The following GSK3B variants were observed in gnomAD, a reference collection of about 807,000 sequenced individuals.
GSK3B encodes glycogen synthase kinase 3 beta.
GSK3B carries 15 observed loss-of-function variants against 56.4 expected under a neutral mutation model. The observed-to-expected ratio is 0.27, with a 90% confidence interval of 0.18 to 0.41. The LOEUF (loss-of-function observed/expected upper bound fraction) is 0.41, where lower values mean the gene tolerates loss of function less well. Among genes scored for constraint, GSK3B ranks in the 10% least tolerant of loss-of-function variants. The pLI is 1.00. For synonymous variants in GSK3B, 181 were observed against 188.9 expected (o/e 0.96, Z 0.34); for missense variants, 300 against 513.4 (o/e 0.58, Z 4.02).
rs533186740 is a variant in GSK3B, at chr3:119,919,340, T to C, written c.478-3166A>G. The stretch of plus-strand genomic sequence containing the variant: ...TTTATATCGCTCTCACAATCTAACA[T>C]TTTTCATACAATAGGATTACAATAA... On this transcript the variant is annotated intron_variant, in intron 4 of 10. Transcript: ENST00000264235. 5.9e-5 allele frequency among the ~76,000 whole-genome samples: 9 copies of C among 152,218 alleles called. No homozygotes were observed. The South Asian group carries it at 1.2e-3, about 21-fold the overall frequency.
chr3:119,958,978 A>G (rs2057243312), intron 2 of GSK3B, among the ~76,000 whole-genome samples: 1 of 151,880 alleles, frequency 6.6e-6, no homozygotes, highest in African/African-American at 2.4e-5. Flanking sequence ...CACAACTAAA[A>G]CCTCTGGTTA....
At chr3:119,876,543 A>G in intron 7 of GSK3B, 35 bp from the exon 8 acceptor site, 1 of 1,151,242 alleles carries the variant, frequency 8.7e-7, no homozygotes, top group Non-Finnish European at 1.3e-6. Context: ...ATCTTTTCCT[A>G]TATATTTACA....
At chr3:120,020,004 T>C (rs2057858844) in intron 1 of GSK3B, among the ~76,000 whole-genome samples, 1 of 152,224 alleles carries the variant, frequency 6.6e-6, no homozygotes, top group African/African-American at 2.4e-5. Context: ...AGTTCCAAAA[T>C]AGTTTATGAA....
chr3:120,012,930 T>C (rs1258040561), intron 1 of GSK3B, among the ~76,000 whole-genome samples: 1 of 152,118 alleles, frequency 6.6e-6, no homozygotes, highest in Non-Finnish European at 1.5e-5. Context: ...TCTAAAATCA[T>C]CCTACCTCAG....
intron 2 of GSK3B, among the ~76,000 whole-genome samples, chr3:119,971,567 A>G (rs2057366245): frequency 1.3e-5 from 2 of 150,366 alleles, no homozygotes; most frequent in South Asian, 4.2e-4. Flanking sequence ...AAAGTCTGAT[A>G]TAAAACATAT....
chr3:120,004,727 A>G (rs548042417), intron 1 of GSK3B, among the ~76,000 whole-genome samples: 140 of 152,306 alleles, frequency 9.2e-4, no homozygotes, highest in African/African-American at 3.3e-3. Context: ...GAACAGCATC[A>G]ACATCAACAC....
intron 3 of GSK3B, among the ~76,000 whole-genome samples, chr3:119,924,596 G>T (rs1298090289): frequency 1.3e-5 from 2 of 152,136 alleles, no homozygotes; most frequent in African/African-American, 4.8e-5. Context: ...GCAGAGATTA[G>T]GAAATAGTGA....
chr3:119,989,057 G>A (rs544327642), intron 2 of GSK3B, among the ~76,000 whole-genome samples: 2 of 152,052 alleles, frequency 1.3e-5, no homozygotes, highest in East Asian at 3.9e-4. Flanking sequence ...AAATAAGTCG[G>A]GCTTTCTTAA....
chr3:120,013,645 T>C (rs555752777), intron 1 of GSK3B, among the ~76,000 whole-genome samples: 18 of 152,290 alleles, frequency 1.2e-4, no homozygotes, highest in Admixed American at 3.3e-4. Flanking sequence ...ACACAGAAGA[T>C]ACAAAGCATT....
chr3:120,062,698 G>A (rs2058248104), intron 1 of GSK3B, among the ~76,000 whole-genome samples: 1 of 152,198 alleles, frequency 6.6e-6, no homozygotes, highest in South Asian at 2.1e-4. Flanking sequence ...GGGACCCAGT[G>A]ATGAACAAGA....
At chr3:119,954,471 A>T (rs2057192844) in intron 2 of GSK3B, among the ~76,000 whole-genome samples, 1 of 152,166 alleles carries the variant, frequency 6.6e-6, no homozygotes, top group African/African-American at 2.4e-5. Flanking sequence ...TGCATGTCTT[A>T]CTTTAAGGTC....
At chr3:120,053,002 A>T (rs1332129476) in intron 1 of GSK3B, among the ~76,000 whole-genome samples, 2 of 152,214 alleles carry the variant, frequency 1.3e-5, no homozygotes, top group Admixed American at 6.5e-5. Context: ...GTCTAACTAC[A>T]GAGCTCTACT....
rs1039438816 is a variant in GSK3B at position 119,978,474 on chromosome 3, G to A, written c.282+23572C>T. ...AAACCTGTCTTTAACTGCCAGCCGCGTTTTGTGTTTCTTTCCTTTCTTTAA... is the reference window on the plus strand; with the variant it reads ...AAACCTGTCTTTAACTGCCAGCCGCATTTTGTGTTTCTTTCCTTTCTTTAA... On this transcript the variant is annotated intron_variant, in intron 2 of 10. Transcript: ENST00000264235. Among the ~76,000 whole-genome samples the A allele has an allele frequency of 1.1e-4, 16 of 152,278 alleles. No individual in the cohort carries two copies. In the South Asian group the frequency reaches 1.2e-3, roughly 12 times the overall value.
intron 2 of GSK3B, among the ~76,000 whole-genome samples, chr3:119,959,506 CTT>C (rs34702117): frequency 0.24 from 21,853 of 89,370 alleles, 2,512 homozygotes; most frequent in African/African-American, 0.34. Context: ...TTCTCTCTGA[CTT>C]TTTTTTTTTT....
At chr3:120,088,283 CTGAG>C (rs71688969) in intron 1 of GSK3B, among the ~76,000 whole-genome samples, 15,924 of 151,284 alleles carry the variant, frequency 0.11, 938 homozygotes, top group African/African-American at 0.17. Context: ...CCATTATGTA[CTGAG>C]TATTAGCTCA....
In GSK3B at chr3:119,823,380, C is replaced by T. The variant is rs768866398; in HGVS notation, c.*3408G>A. 4.5e-5 allele frequency: 9 copies of T among 201,406 alleles called. No individual in the cohort carries two copies. Among genetic ancestry groups the T allele is most frequent in the African/African-American group, 9.2e-5 (4 of 43,580 alleles). 12.5% of individuals were successfully genotyped at this position (201,406 alleles called of 1,614,324 possible). ...GTCCTCTATTGGCACGGTGGCACTC[C>T]GTGCAGTAACTGCTAGTAATTGCAC... On this transcript the variant is annotated 3_prime_UTR_variant, in exon 11 of 11. Transcript: ENST00000264235.
At chr3:119,912,580 A>G (rs1287108200) in intron 6 of GSK3B, 124 bp downstream of exon 6, 3 of 458,906 alleles carry the variant, frequency 6.5e-6, no homozygotes, top group Non-Finnish European at 1.2e-5. Flanking sequence ...AAGCTTTAAG[A>G]AAAAAAACAT....
At chr3:119,967,810 C>T (rs965784808) in intron 2 of GSK3B, among the ~76,000 whole-genome samples, 16 of 142,970 alleles carry the variant, frequency 1.1e-4, no homozygotes, top group African/African-American at 4.0e-4. Flanking sequence ...CCCTCTCTCC[C>T]TCCCTCCCTT....
At chr3:120,072,428 AAC>A (rs1050736517) in intron 1 of GSK3B, among the ~76,000 whole-genome samples, 3 of 151,960 alleles carry the variant, frequency 2.0e-5, no homozygotes, top group African/African-American at 7.3e-5. Context: ...CTCTACCAAA[AAC>A]ACAAAAATTG....
Sources: gnomAD v4.1 joint callset for allele counts (sites outside exome capture counted in the v4.1 genomes callset) on GRCh38, gnomAD v4.1.1 for gene constraint, MANE v1.5 for transcripts, NCBI Gene and HGNC (gene_info 2026-07-23, HGNC 2026-07-21) for gene names.